RYR2: variants seen among roughly 807,000 people sequenced by gnomAD.
The protein encoded by RYR2 is ryanodine receptor 2, also known as cardiac muscle ryanodine receptor-calcium release channel.
In RYR2, 227 loss-of-function variants were observed where a neutral mutation model predicts 601.1. The ratio of observed to expected loss-of-function variants is 0.38; its 90% CI spans 0.34 to 0.42. The LOEUF (loss-of-function observed/expected upper bound fraction) is 0.42, where lower values mean the gene tolerates loss of function less well. RYR2 is among the 10% of genes least tolerant of loss of function. The probability of loss-of-function intolerance (pLI) is 1.00; values close to 1 mark genes in which losing one functional copy is unlikely to be tolerated. For synonymous variants in RYR2, 2,223 were observed against 2,175.1 expected (o/e 1.02, Z -0.61); for missense variants, 4,646 against 6,156.5 (o/e 0.75, Z 8.21).
At chr1:237,662,330 G>A (rs561874333) in intron 56 of RYR2, among the ~76,000 whole-genome samples, 45 of 151,774 alleles carry the variant, frequency 3.0e-4, no homozygotes, top group African/African-American at 9.9e-4. Context: ...CACAAACTGC[G>A]TACTAGATAA....
chr1:237,289,151 A>AG (rs1491217404), intron 2 of RYR2, among the ~76,000 whole-genome samples: 1 of 152,032 alleles, frequency 6.6e-6, no homozygotes, highest in African/African-American at 2.4e-5. Flanking sequence ...TCACAGTTTT[A>AG]GGGGGGTCTC....
chr1:237,588,620 G>A (rs931002270), intron 29 of RYR2, among the ~76,000 whole-genome samples: 2 of 152,116 alleles, frequency 1.3e-5, no homozygotes, highest in Admixed American at 6.5e-5. Flanking sequence ...ATCACCTGAG[G>A]TCAGGAGTTT....
chr1:237,620,351 G>A (rs1390028721), intron 38 of RYR2, among the ~76,000 whole-genome samples: 1 of 86,862 alleles, frequency 1.2e-5, no homozygotes, highest in Admixed American at 1.4e-4. Flanking sequence ...GATACACTGA[G>A]AAGTACCACA....
intron 56 of RYR2, among the ~76,000 whole-genome samples, chr1:237,664,802 A>G (rs1684149956): frequency 6.6e-6 from 1 of 152,204 alleles, no homozygotes; most frequent in Admixed American, 6.5e-5. Flanking sequence ...TAGGTGAGGT[A>G]AAGACCATAG....
At chr1:237,117,023 T>C (rs189744683) in intron 1 of RYR2, among the ~76,000 whole-genome samples, 89 of 152,250 alleles carry the variant, frequency 5.8e-4, no homozygotes, top group African/African-American at 2.1e-3. Context: ...ACACTGACAG[T>C]AGAGGTGTGA....
intron 29 of RYR2, among the ~76,000 whole-genome samples, chr1:237,587,816 A>G (rs1674701811): frequency 6.6e-6 from 1 of 152,190 alleles, no homozygotes; most frequent in Admixed American, 6.5e-5. Context: ...AACTATACAG[A>G]TATTTACAGC....
chr1:237,659,582 C>T (rs147680042), intron 54 of RYR2, among the ~76,000 whole-genome samples: 1 of 152,138 alleles, frequency 6.6e-6, no homozygotes, highest in African/African-American at 2.4e-5. Context: ...GGTGGGGTCC[C>T]AAGATGGGTC....
chr1:237,304,986 A>G (rs1053836811), intron 2 of RYR2, among the ~76,000 whole-genome samples: 5 of 152,256 alleles, frequency 3.3e-5, no homozygotes, highest in African/African-American at 1.2e-4. Context: ...TTGTAGAAAT[A>G]AAAATTAAAA....
rs769268535 is a variant in RYR2 at position 237,496,597 on chromosome 1, A to C, written c.2048A>C (p.Glu683Ala). 9.9e-6 allele frequency: 16 copies of C among 1,613,864 alleles called. No individual in the cohort carries two copies. The highest frequency in any genetic ancestry group is 1.7e-6 in the Non-Finnish European group (2 of 1,179,906). ...TATGAATTGATGGTGGACCACACAG[A>C]GCCCTTTGTGACAGCTGAAGCAACT... is the stretch of plus-strand genomic sequence containing the variant. ...WYYELMVDHT[E>A]PFVTAEATHL... The change falls in exon 20 of 105, where the codon GAG (glutamate) becomes GCG (alanine). Residue 683 changes from glutamate (E) to alanine (A), a missense_variant. Physicochemically the swap from Glu to Ala is moderately radical, Grantham distance 107. Transcript: ENST00000366574.
rs146232614 is a variant in RYR2, at chr1:237,511,582, G to A, written c.2719-106G>A. 1,650 of 816,548 alleles carry A rather than the reference G, an allele frequency of 2.0e-3. 20 individuals carry two copies. The African/African-American group carries it at 0.025, about 12-fold the overall frequency. The allele number at this position is 816,548 out of a possible 1,614,324, so 50.6% of individuals were successfully genotyped here. ...CAGCTTTGCAGGGGTAATGATCTGG[G>A]TGTTTCTTCTTGCCTTCTGCCTCCA... On this transcript the variant is annotated intron_variant, in intron 23 of 104. Transcript: ENST00000366574.
intron 6 of RYR2, 71 bp downstream of exon 6, chr1:237,369,679 C>A: frequency 8.3e-7 from 1 of 1,203,412 alleles, no homozygotes; most frequent in Non-Finnish European, 1.2e-6. Flanking sequence ...TCTGCAAATG[C>A]TGGTAGCATC....
At chr1:237,457,166 ATATTTCC>A (rs919855708) in intron 16 of RYR2, among the ~76,000 whole-genome samples, 2 of 152,124 alleles carry the variant, frequency 1.3e-5, no homozygotes, top group Non-Finnish European at 2.9e-5. Flanking sequence ...TGTGTGTTAA[ATATTTCC>A]TTTTTGCTTT....
At chr1:237,283,164 T>G (rs1280306349) in intron 2 of RYR2, among the ~76,000 whole-genome samples, 2 of 152,244 alleles carry the variant, frequency 1.3e-5, no homozygotes, top group Non-Finnish European at 2.9e-5. Context: ...TTTAGGTATC[T>G]GTCAAATGTT....
intron 29 of RYR2, among the ~76,000 whole-genome samples, chr1:237,575,874 T>C (rs1169272259): frequency 6.6e-6 from 1 of 152,112 alleles, no homozygotes; most frequent in Non-Finnish European, 1.5e-5. Context: ...ACAATATAAG[T>C]ATTTACAGAG....
intron 9 of RYR2, among the ~76,000 whole-genome samples, chr1:237,387,731 C>T (rs1304917801): frequency 6.6e-6 from 1 of 152,204 alleles, no homozygotes; most frequent in Non-Finnish European, 1.5e-5. Flanking sequence ...TGCCTTATAG[C>T]TGGAATACGA....
chr1:237,159,905 A>C (rs1302701955), intron 1 of RYR2, among the ~76,000 whole-genome samples: 2 of 152,206 alleles, frequency 1.3e-5, no homozygotes, highest in African/African-American at 2.4e-5. Flanking sequence ...ATTAACGTGC[A>C]CTTGAAAACT....
At chr1:237,065,968 G>C (rs1475690668) in intron 1 of RYR2, among the ~76,000 whole-genome samples, 2 of 152,142 alleles carry the variant, frequency 1.3e-5, no homozygotes, top group African/African-American at 2.4e-5. Context: ...GAGTAGCACC[G>C]AGGGGGAAAT....
Position 237,590,876 on chromosome 1 carries a change from G to A in RYR2, c.4044G>A (p.Lys1348=), listed in dbSNP as rs755391572. The A allele has an allele frequency of 9.0e-5, 146 of 1,613,786 alleles. No individual in the cohort carries two copies. The highest frequency in any genetic ancestry group is 1.1e-5 in the Non-Finnish European group (13 of 1,179,870). Residue 1348 remains lysine, a synonymous_variant, in exon 31 of 105, where the codon AAG becomes AAA. Coordinates refer to ENST00000366574, the MANE Select transcript of RYR2 (RefSeq NM_001035.3). ...DADSDFEVLM[K]TAHGHLVPDR... is the part of the protein sequence containing the mutation. Reference sequence around the variant, plus strand: ...ATTCTGACTTTGAGGTTCTGATGAAGACAGCTCATGGCCATCTAGTGCCCG... The same window carrying A: ...ATTCTGACTTTGAGGTTCTGATGAAAACAGCTCATGGCCATCTAGTGCCCG...
At chr1:237,639,802 A>T (rs922165661) in intron 46 of RYR2, among the ~76,000 whole-genome samples, 3 of 152,178 alleles carry the variant, frequency 2.0e-5, no homozygotes, top group Admixed American at 6.5e-5. Flanking sequence ...AATGTCCTCC[A>T]GCGGGGTCAT....
Sources: allele counts gnomAD v4.1 joint callset (sites outside exome capture counted in the v4.1 genomes callset), GRCh38; gene constraint gnomAD v4.1.1; transcripts MANE v1.5; gene names NCBI Gene and HGNC (gene_info 2026-07-23, HGNC 2026-07-21).